MRPL38: variants seen among roughly 807,000 people sequenced by gnomAD.
The protein encoded by MRPL38 is large ribosomal subunit protein mL38.
In MRPL38, 51 loss-of-function variants were observed where a neutral mutation model predicts 52.1. The observed-to-expected ratio is 0.98, with a 90% CI of 0.78 to 1.24. MRPL38 has a LOEUF of 1.24. Ranked by LOEUF, MRPL38 falls within the 50% of genes most tolerant of loss-of-function variation. The pLI, the probability that MRPL38 is intolerant of heterozygous loss-of-function variation, is 0.00. For synonymous variants in MRPL38, 245 were observed against 212.7 expected (o/e 1.15, Z -1.32); for missense variants, 527 against 518.6 (o/e 1.02, Z -0.16).
Position 75,901,258 on chromosome 17 carries a change from C to G in MRPL38, c.607G>C (p.Glu203Gln). 1 of 1,613,458 alleles carries G rather than the reference C, an allele frequency of 6.2e-7. No individual in the cohort carries two copies. The highest frequency in any genetic ancestry group is 8.5e-7 in the Non-Finnish European group (1 of 1,179,802). ...CCCTCTTCTGCCTCATAGGTCACCTCTGGCGCTTGGGCAGCCTGGCAGGGT... is the reference window on the plus strand; with the variant it reads ...CCCTCTTCTGCCTCATAGGTCACCTGTGGCGCTTGGGCAGCCTGGCAGGGT... ...VTPTEAAQAPEVTYEAEEGSL... is the reference protein window; with the variant it reads ...VTPTEAAQAPQVTYEAEEGSL... Residue 203 changes from glutamate to glutamine, a missense_variant, in exon 5 of 9, where the codon GAG becomes CAG. Coordinates refer to ENST00000309352, the MANE Select transcript of MRPL38 (RefSeq NM_032478.4). This position sits in a 1 kb window ranked among gnomAD's most constrained non-coding sequence, Gnocchi z 5.7.
rs2065408821 is a variant in MRPL38 at position 75,902,313 on chromosome 17, A to G, written c.248-159T>C. 3 of 781,662 alleles carry G rather than the reference A, an allele frequency of 3.8e-6. No homozygotes were observed. In the South Asian group the frequency reaches 5.5e-5, roughly 14 times the overall value. 48.4% of individuals were successfully genotyped at this position (781,662 alleles called of 1,614,324 possible). A position where few individuals can be genotyped will look rare whatever the true frequency, so the allele number is the denominator to read the frequency against. On this transcript the variant is annotated intron_variant, in intron 2 of 8. Coordinates refer to ENST00000309352, the MANE Select transcript of MRPL38 (RefSeq NM_032478.4). ...GAGACAGGGTTTTGCCACATTGCCC[A>G]GGCTGGTATGAACTCTTGGGCTCAA...
Position 75,901,926 on chromosome 17 carries a change from C to A in MRPL38, c.383-6G>T, listed in dbSNP as rs747083596. 1.2e-6 allele frequency: 2 copies of A among 1,603,468 alleles called. No individual in the cohort carries two copies. Among genetic ancestry groups the A allele is most frequent in the Non-Finnish European group, 1.7e-6 (2 of 1,174,424 alleles). ...GGCATCCAGCGGGACACTGGCTAGA[C>A]AGGAATAAGGCCAGTTGGGATACGG... On this transcript the variant is annotated splice_region_variant and splice_polypyrimidine_tract_variant and intron_variant, in intron 3 of 8. Coordinates refer to ENST00000309352, the MANE Select transcript of MRPL38 (RefSeq NM_032478.4). The surrounding 1 kb of genome is among the most constrained non-coding windows in gnomAD (Gnocchi z 5.7).
At position 75,901,742 on chromosome 17, in the gene MRPL38, C is replaced by A. The variant is rs144901591; in HGVS notation, c.561G>T (p.Val187=). 152 of 1,613,716 alleles carry A rather than the reference C, an allele frequency of 9.4e-5. No individual in the cohort carries two copies. Among genetic ancestry groups the A allele is most frequent in the Non-Finnish European group, 1.2e-4 (144 of 1,179,906 alleles). Residue 187 remains valine (V), a synonymous_variant, in exon 4 of 9, where the codon GTG becomes GTT. Coordinates refer to ENST00000309352, the MANE Select transcript of MRPL38 (RefSeq NM_032478.4). The surrounding 1 kb of genome is among the most constrained non-coding windows in gnomAD (Gnocchi z 5.7). ...YAVGEDDLMP[V]YCGNEVTPTE... ...TTGGAGTCACCTCATTGCCACAGTA[C>A]ACAGGCATCAGGTCATCCTCACCCA...
chr17:75,899,455 A>G (rs2065393718), intron 7 of MRPL38, 61 bp downstream of exon 7: 2 of 1,535,652 alleles, frequency 1.3e-6, no homozygotes, highest in Non-Finnish European at 1.8e-6. Context: ...GAACTGAGCA[A>G]GAGTGACCGT....
chr17:75,904,062 C>A (rs1303480026), intron 2 of MRPL38, among the ~76,000 whole-genome samples: 1 of 152,156 alleles, frequency 6.6e-6, no homozygotes, highest in Non-Finnish European at 1.5e-5. Context: ...CCTGCCCAGG[C>A]CTTTAATTTC....
Position 75,899,529 on chromosome 17 carries a change from G to GAT in MRPL38, c.855_856insAT (p.Arg286IlefsTer27), listed in dbSNP as rs1172695301. ...GGTGTAGATTACCAGGGTGAGGGGC[G>GAT]TGCGTCCTCAGAGAAGTCAATCGGC... is the stretch of plus-strand genomic sequence containing the variant. On this transcript the variant is annotated frameshift_variant, in exon 7 of 9. Transcript: ENST00000309352. LOFTEE classifies it high-confidence loss of function. The GAT allele has an allele frequency of 1.3e-6, 2 of 1,589,772 alleles. No individual in the cohort carries two copies. The highest frequency in any genetic ancestry group is 1.7e-6 in the Non-Finnish European group (2 of 1,164,348).
In MRPL38 at chr17:75,904,536, G is replaced by A. The variant is rs1254075718; in HGVS notation, c.247+4C>T. On this transcript the variant is annotated splice_donor_region_variant and intron_variant, in intron 2 of 8. Coordinates refer to ENST00000309352, the MANE Select transcript of MRPL38 (RefSeq NM_032478.4). ...CTGCAGCCCCTGCTCCAGTCGCCCC[G>A]CACCTGTCTTCTCCCCGAAATACTC... 3 of 1,531,766 alleles carry A rather than the reference G, an allele frequency of 2.0e-6. No individual in the cohort carries two copies. The highest frequency in any genetic ancestry group is 1.7e-6 in the Non-Finnish European group (2 of 1,148,460). The allele number at this position is 1,531,766 out of a possible 1,614,324, so 94.9% of individuals were successfully genotyped here.
Position 75,901,176 on chromosome 17 carries a change from G to A in MRPL38, c.664+25C>T, listed in dbSNP as rs748498599. 4 of 1,612,474 alleles carry A rather than the reference G, an allele frequency of 2.5e-6. No homozygotes were observed. Among genetic ancestry groups the A allele is most frequent in the Admixed American group, 3.3e-5 (2 of 59,890 alleles). On this transcript the variant is annotated intron_variant, in intron 5 of 8. Transcript: ENST00000309352. The surrounding 1 kb of genome is among the most constrained non-coding windows in gnomAD (Gnocchi z 5.7). ...CTCATAGGAGGTGAGCGGGGCAGGA[G>A]GCCTGGTGAGCCCCAGACACCCACC...
rs753035440 is a variant in MRPL38, at chr17:75,904,879, C to T, written c.-4G>A. 14 of 1,526,098 alleles carry T rather than the reference C, an allele frequency of 9.2e-6. No homozygotes were observed. The South Asian group carries it at 1.3e-4, about 14-fold the overall frequency. The allele number at this position is 1,526,098 out of a possible 1,614,324, so 94.5% of individuals were successfully genotyped here. On this transcript the variant is annotated 5_prime_UTR_variant, in exon 1 of 9. Coordinates refer to ENST00000309352, the MANE Select transcript of MRPL38 (RefSeq NM_032478.4). ...CTCGCCACCAGGGCGCCGCCATCTT[C>T]CCTCCGGCCTGCGACACTGCGGCCG...
Position 75,904,158 on chromosome 17 carries a change from A to C in MRPL38, c.247+382T>G, listed in dbSNP as rs2065417652. ...GGGCAAGACAAGCAGGATCCCTGTCAACAGGGCGCTTACAATCTGGGGAGA... is the reference window on the plus strand; with the variant it reads ...GGGCAAGACAAGCAGGATCCCTGTCCACAGGGCGCTTACAATCTGGGGAGA... On this transcript the variant is annotated intron_variant, in intron 2 of 8. Coordinates refer to ENST00000309352, the MANE Select transcript of MRPL38 (RefSeq NM_032478.4). 3 of 472,558 alleles carry C rather than the reference A, an allele frequency of 6.3e-6. No homozygotes were observed. The Admixed American group carries it at 7.3e-5, about 11-fold the overall frequency. The allele number at this position is 472,558 out of a possible 1,614,324, so 29.3% of individuals were successfully genotyped here.
intron 2 of MRPL38, among the ~76,000 whole-genome samples, chr17:75,903,380 T>G (rs923226786): frequency 6.6e-6 from 1 of 152,180 alleles, no homozygotes; most frequent in African/African-American, 2.4e-5. Context: ...CACTCCAGCC[T>G]GGGCAACAGA....
In MRPL38 at chr17:75,899,302, A is replaced by G; in HGVS notation, c.870-8T>C. ...CGCTGGGCCAGCTGATAGCTATGAGAAGATAGAGAGCGTATGAGAGTGTGG... is the reference window on the plus strand; with the variant it reads ...CGCTGGGCCAGCTGATAGCTATGAGGAGATAGAGAGCGTATGAGAGTGTGG... On this transcript the variant is annotated splice_region_variant and splice_polypyrimidine_tract_variant and intron_variant, in intron 7 of 8. Coordinates refer to ENST00000309352, the MANE Select transcript of MRPL38 (RefSeq NM_032478.4). 1 of 1,612,058 alleles carries G rather than the reference A, an allele frequency of 6.2e-7. No homozygotes were observed. The highest frequency in any genetic ancestry group is 1.7e-5 in the Admixed American group (1 of 59,850).
intron 2 of MRPL38, chr17:75,904,317 AT>A (rs1206317810): frequency 1.4e-6 from 1 of 704,344 alleles, no homozygotes; most frequent in Non-Finnish European, 2.6e-6. Context: ...TGGAACTCTA[AT>A]AGTAGGGGGA....
rs990207269 is a variant in MRPL38, at chr17:75,904,787, C to G, written c.67+22G>C. On this transcript the variant is annotated intron_variant, in intron 1 of 8. Coordinates refer to ENST00000309352, the MANE Select transcript of MRPL38 (RefSeq NM_032478.4). ...GGGCGACAGCCCCCCCCCCCCCCCC[C>G]GCAGAGCTGCCCACCCCTCACCCGA... 399 of 1,305,488 alleles carry G rather than the reference C, an allele frequency of 3.1e-4. 3 individuals carry two copies. Among genetic ancestry groups the G allele is most frequent in the Non-Finnish European group, 1.7e-4 (170 of 1,011,878 alleles). The allele number at this position is 1,305,488 out of a possible 1,614,324, so 80.9% of individuals were successfully genotyped here.
chr17:75,901,829 G>T lies in MRPL38; in HGVS notation c.474C>A (p.Tyr158Ter). ...KQRLAEYYGL[Y>*]RDLFHGATFV... Reference sequence around the variant, plus strand: ...AGGTGGCACCGTGGAACAGGTCTCGGTAGAGGCCGTAATACTCAGCCAGAC... The same window carrying T: ...AGGTGGCACCGTGGAACAGGTCTCGTTAGAGGCCGTAATACTCAGCCAGAC... The change falls in exon 4 of 9, where the codon TAC becomes TAA. Residue 158 changes from tyrosine to a stop codon, truncating the protein, a stop_gained. Transcript: ENST00000309352. LOFTEE classifies it high-confidence loss of function. This position sits in a 1 kb window ranked among gnomAD's most constrained non-coding sequence, Gnocchi z 5.7. 1.9e-6 allele frequency: 3 copies of T among 1,613,498 alleles called. No homozygotes were observed. Among genetic ancestry groups the T allele is most frequent in the Non-Finnish European group, 2.5e-6 (3 of 1,179,862 alleles).
chr17:75,902,434 T>A (rs973268622), intron 2 of MRPL38: 2 of 438,490 alleles, frequency 4.6e-6, no homozygotes, highest in Middle Eastern at 6.2e-4. Context: ...ATCTGAGAGA[T>A]GGGATCTCAT....
chr17:75,902,568 G>A (rs1264675694), intron 2 of MRPL38, among the ~76,000 whole-genome samples: 1 of 152,168 alleles, frequency 6.6e-6, no homozygotes, highest in Non-Finnish European at 1.5e-5. Context: ...ACATCTTCTT[G>A]GTTAAACTGC....
chr17:75,902,278 A>AT (rs2065408740), intron 2 of MRPL38, 124 bp from the exon 3 acceptor site: 1 of 1,160,456 alleles, frequency 8.6e-7, no homozygotes, highest in South Asian at 1.6e-5. Context: ...TAATTTTTGT[A>AT]TTTTTTGTAG....
At position 75,899,678 on chromosome 17, in the gene MRPL38, G is replaced by A; in HGVS notation, c.711-4C>T. 6.4e-7 allele frequency: 1 copy of A among 1,557,860 alleles called. No individual in the cohort carries two copies. The highest frequency in any genetic ancestry group is 8.7e-7 in the Non-Finnish European group (1 of 1,148,692). Reference sequence around the variant, plus strand: ...CCGGTTACCCGGGATGTTGGTTCTGGGAGGAGGAAAGTCCCGGTTAATTAC... The same window carrying A: ...CCGGTTACCCGGGATGTTGGTTCTGAGAGGAGGAAAGTCCCGGTTAATTAC... On this transcript the variant is annotated splice_polypyrimidine_tract_variant and splice_region_variant and intron_variant, in intron 6 of 8. Coordinates refer to ENST00000309352, the MANE Select transcript of MRPL38 (RefSeq NM_032478.4).
Sources: gnomAD v4.1 joint callset for allele counts (sites outside exome capture counted in the v4.1 genomes callset) on GRCh38, gnomAD v4.1.1 for gene constraint, Gnocchi (gnomAD v3.1) non-coding constraint, MANE v1.5 for transcripts, NCBI Gene and HGNC (gene_info 2026-07-23, HGNC 2026-07-21) for gene names.